Variants in FAM53B observed in about 807,000 individuals in gnomAD.
The protein encoded by FAM53B is protein FAM53B.
In FAM53B, 12 loss-of-function variants were observed where a neutral mutation model predicts 32.7. The ratio of observed to expected loss-of-function variants is 0.37; its 90% CI spans 0.24 to 0.59. FAM53B has a LOEUF of 0.59. FAM53B is among the 20% of genes least tolerant of loss of function. The probability of loss-of-function intolerance (pLI) is 0.72; values close to 1 mark genes in which losing one functional copy is unlikely to be tolerated. For synonymous variants in FAM53B, 234 were observed against 228.7 expected, an observed-to-expected ratio of 1.02 and a Z score of -0.21; for missense variants, 477 against 577.7, an observed-to-expected ratio of 0.83 and a Z score of 1.79.
chr10:124,686,243 G>C (rs1414859721), intron 3 of FAM53B, among the ~76,000 whole-genome samples: 1 of 152,238 alleles, frequency 6.6e-6, no homozygotes, highest in Non-Finnish European at 1.5e-5. Flanking sequence ...TGGAAGTCCA[G>C]CTTGCTGGGC....
chr10:124,742,115 C>T (rs940120350), intron 1 of FAM53B, among the ~76,000 whole-genome samples: 9 of 152,190 alleles, frequency 5.9e-5, no homozygotes, highest in African/African-American at 2.2e-4. Flanking sequence ...GCCTTCCCCA[C>T]GCCTCTCCTT....
At chr10:124,671,081 C>T in intron 4 of FAM53B, 1 of 438,530 alleles carries the variant, frequency 2.3e-6, no homozygotes, top group East Asian at 7.2e-5. Flanking sequence ...CAGAGCCAGG[C>T]TGGGGGACAG....
intron 4 of FAM53B, among the ~76,000 whole-genome samples, chr10:124,642,554 C>G (rs1949483868): frequency 1.3e-5 from 2 of 152,230 alleles, no homozygotes; most frequent in South Asian, 4.1e-4. Flanking sequence ...GTGTCCCGCT[C>G]TGCCACAGCA....
At chr10:124,665,814 G>A (rs1211419441) in intron 4 of FAM53B, among the ~76,000 whole-genome samples, 1 of 152,232 alleles carries the variant, frequency 6.6e-6, no homozygotes, top group Non-Finnish European at 1.5e-5. Flanking sequence ...CACAGCAAAT[G>A]CTAGGTAAAT....
At position 124,651,342 on chromosome 10, in the gene FAM53B, G is replaced by A. The variant is rs965131668; in HGVS notation, c.907-27738C>T. Among the ~76,000 whole-genome samples the A allele has an allele frequency of 6.6e-5, 10 of 152,376 alleles. No individual in the cohort carries two copies. The highest frequency in any genetic ancestry group is 2.4e-4 in the African/African-American group (10 of 41,590). The stretch of plus-strand genomic sequence containing the variant: ...CCCAAAGGTGCAGAAGGAGGCTGGA[G>A]GGGTGCGGCTGAGCAGAGGGTGCTG... On this transcript the variant is annotated intron_variant, in intron 4 of 4. Coordinates refer to ENST00000337318, the MANE Select transcript of FAM53B (RefSeq NM_014661.4). The surrounding 1 kb of genome is among the most constrained non-coding windows in gnomAD (Gnocchi z 5.2).
At chr10:124,695,823 T>C (rs1949865209) in intron 3 of FAM53B, among the ~76,000 whole-genome samples, 1 of 152,174 alleles carries the variant, frequency 6.6e-6, no homozygotes, top group Non-Finnish European at 1.5e-5. Context: ...TACACAAAAA[T>C]ATCAACAGTA....
At chr10:124,691,051 T>C (rs941830425) in intron 3 of FAM53B, among the ~76,000 whole-genome samples, 9 of 152,254 alleles carry the variant, frequency 5.9e-5, no homozygotes, top group African/African-American at 2.2e-4. Flanking sequence ...ACTCAAGCTC[T>C]GAGGGCCACG....
At chr10:124,669,980 C>CGCCCTG in intron 4 of FAM53B, among the ~76,000 whole-genome samples, 3 of 147,858 alleles carry the variant, frequency 2.0e-5, no homozygotes, top group Non-Finnish European at 3.0e-5. Flanking sequence ...TGGGTGAGGA[C>CGCCCTG]CACACACCCG....
chr10:124,706,582 T>C (rs1949960189), intron 2 of FAM53B, 54 bp downstream of exon 2: 1 of 1,610,652 alleles, frequency 6.2e-7, no homozygotes, highest in South Asian at 1.1e-5. Flanking sequence ...GCCCTGTCTG[T>C]ACATCAGGCC....
chr10:124,730,227 A>G (rs1393593639), intron 1 of FAM53B, among the ~76,000 whole-genome samples: 1 of 152,196 alleles, frequency 6.6e-6, no homozygotes, highest in Non-Finnish European at 1.5e-5. Flanking sequence ...TCAGGCCCAA[A>G]TGGCCCAGAA....
chr10:124,632,751 C>CA (rs1427844957), intron 4 of FAM53B, among the ~76,000 whole-genome samples: 1 of 152,232 alleles, frequency 6.6e-6, no homozygotes, highest in Non-Finnish European at 1.5e-5. Context: ...GATGAGCAGA[C>CA]AGAGGCCGAG....
At chr10:124,641,757 T>A (rs1026404942) in intron 4 of FAM53B, among the ~76,000 whole-genome samples, 17 of 152,262 alleles carry the variant, frequency 1.1e-4, no homozygotes, top group Admixed American at 9.8e-4. Context: ...TTCTTGACCC[T>A]CGGTCCCAGG....
intron 1 of FAM53B, among the ~76,000 whole-genome samples, chr10:124,741,205 T>C (rs1057066156): frequency 1.3e-5 from 2 of 152,238 alleles, no homozygotes; most frequent in African/African-American, 4.8e-5. Context: ...GTTTCTTTTA[T>C]TACACATCAG....
At chr10:124,727,844 T>A (rs1292119048) in intron 1 of FAM53B, among the ~76,000 whole-genome samples, 9 of 152,222 alleles carry the variant, frequency 5.9e-5, no homozygotes, top group Non-Finnish European at 1.0e-4. Flanking sequence ...TCCAGGCTAC[T>A]ATTAAAATTT....
At chr10:124,667,709 G>A (rs1254293454) in intron 4 of FAM53B, among the ~76,000 whole-genome samples, 1 of 152,236 alleles carries the variant, frequency 6.6e-6, no homozygotes, top group Non-Finnish European at 1.5e-5. Context: ...TCACTGGACT[G>A]CCCTCAAGCT....
Position 124,623,334 on chromosome 10 carries a change from G to A in FAM53B, c.1177C>T (p.Pro393Ser), listed in dbSNP as rs913653461. ...CCGCGGTCCCGCCAGGCTGCAGCCG[G>A]CTCCGCTCTCCTGCCACAATCCTCG... ...LDEDCGRRAE[P>S]AAAWRDRGAP... Residue 393 changes from proline to serine, a missense_variant, in exon 5 of 5, where the codon CCG (proline) becomes TCG (serine). Pro to Ser is a moderately conservative substitution (Grantham distance 74, BLOSUM62 -1). Around this residue, in one of 2 missense-constraint regions of FAM53B, gnomAD observed 165 missense variants for 157.5 expected, o/e 1.05. Coordinates refer to ENST00000337318, the MANE Select transcript of FAM53B (RefSeq NM_014661.4). 6.8e-6 allele frequency: 11 copies of A among 1,612,204 alleles called. No individual in the cohort carries two copies. The African/African-American group carries it at 1.3e-4, about 20-fold the overall frequency.
chr10:124,643,418 A>G (rs1013794085), intron 4 of FAM53B, among the ~76,000 whole-genome samples: 15 of 152,202 alleles, frequency 9.9e-5, no homozygotes, highest in African/African-American at 3.6e-4. Flanking sequence ...CGGCGCGGTG[A>G]TTGCGCCTGG....
chr10:124,654,838 C>A (rs999990612), intron 4 of FAM53B, among the ~76,000 whole-genome samples: 1 of 152,198 alleles, frequency 6.6e-6, no homozygotes, highest in East Asian at 1.9e-4. Flanking sequence ...GAGGCCCCGG[C>A]GTGCCTCTGC....
At chr10:124,730,779 G>A (rs1347671981) in intron 1 of FAM53B, among the ~76,000 whole-genome samples, 1 of 152,218 alleles carries the variant, frequency 6.6e-6, no homozygotes, top group Non-Finnish European at 1.5e-5. Flanking sequence ...ATTGCCACAT[G>A]AGGCTACAGC....
Sources: allele counts gnomAD v4.1 joint callset (sites outside exome capture counted in the v4.1 genomes callset), GRCh38; gene constraint gnomAD v4.1.1; regional missense constraint gnomAD v4.1.1; non-coding constraint Gnocchi (gnomAD v3.1); transcripts MANE v1.5; gene names NCBI Gene and HGNC (gene_info 2026-07-23, HGNC 2026-07-21).